MTUS2: variants seen among roughly 807,000 people sequenced by gnomAD.
The protein encoded by MTUS2 is microtubule-associated tumor suppressor candidate 2.
MTUS2 carries 40 observed loss-of-function variants against 114.1 expected under a neutral mutation model. That is an observed-to-expected ratio of 0.35 (90% CI 0.27 to 0.46). The LOEUF is 0.46. Ranked by LOEUF, MTUS2 falls within the 20% of genes least tolerant of loss-of-function variation. The probability of loss-of-function intolerance (pLI) is 1.00; values close to 1 mark genes in which losing one functional copy is unlikely to be tolerated. For synonymous variants in MTUS2, 688 were observed against 672.0 expected (o/e 1.02, Z -0.37); for missense variants, 1,679 against 1,705.4 (o/e 0.98, Z 0.27).
intron 2 of MTUS2, among the ~76,000 whole-genome samples, chr13:29,003,377 C>T (rs188375064): frequency 1.7e-4 from 26 of 152,294 alleles, no homozygotes; most frequent in Non-Finnish European, 2.5e-4. Context: ...AGTCCATGCC[C>T]TTAGCCATGC....
chr13:28,987,177 C>G (rs1884625448), intron 2 of MTUS2, among the ~76,000 whole-genome samples: 1 of 152,214 alleles, frequency 6.6e-6, no homozygotes, highest in Admixed American at 6.5e-5. Context: ...CTGGACTTGT[C>G]AGCCTACAGG....
intron 9 of MTUS2, among the ~76,000 whole-genome samples, chr13:29,475,955 A>G (rs1373688025): frequency 6.6e-6 from 1 of 152,196 alleles, no homozygotes; most frequent in African/African-American, 2.4e-5. Context: ...ACATTCACTC[A>G]TCATTCACTG....
At chr13:28,867,151 A>T (rs1418483994) in intron 2 of MTUS2, among the ~76,000 whole-genome samples, 1 of 152,188 alleles carries the variant, frequency 6.6e-6, no homozygotes, top group East Asian at 1.9e-4. Flanking sequence ...CTTGTGCAAG[A>T]GAGTTGCCAA....
At chr13:29,175,738 T>C (rs1288576656) in intron 5 of MTUS2, among the ~76,000 whole-genome samples, 1 of 151,460 alleles carries the variant, frequency 6.6e-6, no homozygotes, top group Admixed American at 6.6e-5. Flanking sequence ...CCTGGAAATA[T>C]AAGCTCTGTT....
At chr13:29,135,660 A>G (rs1218973846) in intron 5 of MTUS2, among the ~76,000 whole-genome samples, 1 of 152,090 alleles carries the variant, frequency 6.6e-6, no homozygotes, top group African/African-American at 2.4e-5. Context: ...TTTTTAGTAA[A>G]ACATTTTAAT....
In MTUS2 at chr13:29,492,660, C is replaced by G; in HGVS notation, c.3520C>G (p.His1174Asp). The G allele has an allele frequency of 6.2e-7, 1 of 1,613,426 alleles. No homozygotes were observed. The change falls in exon 12 of 16, where the codon CAT (histidine) becomes GAT (aspartate). Residue 1174 changes from histidine to aspartate, a missense_variant. By Grantham distance (81) the His-to-Asp change is moderately conservative. Coordinates refer to ENST00000612955, the MANE Select transcript of MTUS2 (RefSeq NM_001033602.4). ...DHKVQELMST[H>D]ELEKKELEEN... Reference sequence around the variant, plus strand: ...CTTCTTTCCAGAATTGATGTCCACTCATGAGCTTGAAAAGAAAGAATTGGA... The same window carrying G: ...CTTCTTTCCAGAATTGATGTCCACTGATGAGCTTGAAAAGAAAGAATTGGA...
At chr13:29,223,327 G>T (rs1044054070) in intron 5 of MTUS2, among the ~76,000 whole-genome samples, 2 of 152,142 alleles carry the variant, frequency 1.3e-5, no homozygotes, top group Non-Finnish European at 2.9e-5. Flanking sequence ...CCTGCCTGTG[G>T]AGTGGAGCTA....
chr13:28,899,142 T>TTA (rs1593282113), intron 2 of MTUS2, among the ~76,000 whole-genome samples: 1 of 152,212 alleles, frequency 6.6e-6, no homozygotes, highest in African/African-American at 2.4e-5. Context: ...TTGCAAGAAA[T>TTA]AATAGAGATC....
At chr13:29,461,846 A>C (rs1253957077) in intron 9 of MTUS2, among the ~76,000 whole-genome samples, 2 of 152,204 alleles carry the variant, frequency 1.3e-5, no homozygotes, top group Non-Finnish European at 1.5e-5. Context: ...AAAACTTAGA[A>C]GCTTGGCTAA....
At chr13:28,960,090 A>G (rs1357872199) in intron 2 of MTUS2, among the ~76,000 whole-genome samples, 3 of 152,232 alleles carry the variant, frequency 2.0e-5, no homozygotes, top group Admixed American at 2.0e-4. Flanking sequence ...TCTGACAAAG[A>G]TTTTAAAACA....
At chr13:29,107,528 C>A (rs1436146856) in intron 5 of MTUS2, among the ~76,000 whole-genome samples, 1 of 152,036 alleles carries the variant, frequency 6.6e-6, no homozygotes, top group Non-Finnish European at 1.5e-5. Context: ...TCTTCTAGGA[C>A]CTCTAAAATG....
In MTUS2 at chr13:29,343,298, G is replaced by T. The variant is rs1348796880; in HGVS notation, c.2906-15964G>T. Among the ~76,000 whole-genome samples the T allele has an allele frequency of 1.3e-5, 2 of 151,924 alleles. 1 individual carries two copies. The highest frequency in any genetic ancestry group is 2.9e-5 in the Non-Finnish European group (2 of 67,924). ...CTCATCTGGTCCTAGACTTTTTCTTGTTGGCAATTTTTTATTATCATTTCA... is the reference window on the plus strand; with the variant it reads ...CTCATCTGGTCCTAGACTTTTTCTTTTTGGCAATTTTTTATTATCATTTCA... On this transcript the variant is annotated intron_variant, in intron 7 of 15. Transcript: ENST00000612955.
chr13:29,194,159 A>T (rs1240685616), intron 5 of MTUS2, among the ~76,000 whole-genome samples: 1 of 151,414 alleles, frequency 6.6e-6, no homozygotes, highest in Non-Finnish European at 1.5e-5. Flanking sequence ...AAACCTAGGC[A>T]TTACCATTCA....
intron 2 of MTUS2, among the ~76,000 whole-genome samples, chr13:28,966,879 T>C (rs1032111328): frequency 6.6e-6 from 1 of 152,190 alleles, no homozygotes; most frequent in Non-Finnish European, 1.5e-5. Flanking sequence ...GTACAGTGTT[T>C]CTTGATTTGA....
chr13:29,288,367 A>AGCACAGAGCGGGC (rs1428010773), intron 6 of MTUS2, among the ~76,000 whole-genome samples: 2 of 152,194 alleles, frequency 1.3e-5, no homozygotes, highest in Non-Finnish European at 2.9e-5. Context: ...GAGCTTTCAG[A>AGCACAGAGCGGGC]GCACAGAGCG....
intron 8 of MTUS2, among the ~76,000 whole-genome samples, chr13:29,433,606 CT>C (rs1877176188): frequency 1.3e-5 from 2 of 152,212 alleles, no homozygotes; most frequent in Admixed American, 1.3e-4. Context: ...TCTGGCCAAT[CT>C]TCATAGTATT....
intron 6 of MTUS2, among the ~76,000 whole-genome samples, chr13:29,319,882 A>G (rs2139667460): frequency 6.6e-6 from 1 of 152,286 alleles, no homozygotes; most frequent in Middle Eastern, 3.4e-3. Context: ...AACTTCATAA[A>G]TAAGTGTCAG....
At chr13:28,903,728 G>A (rs1336928330) in intron 2 of MTUS2, among the ~76,000 whole-genome samples, 1 of 151,986 alleles carries the variant, frequency 6.6e-6, no homozygotes, top group Admixed American at 6.6e-5. Context: ...AAACATGTGT[G>A]CATGTGTCTT....
chr13:29,436,463 T>A (rs1029096806), intron 8 of MTUS2, among the ~76,000 whole-genome samples: 1 of 151,816 alleles, frequency 6.6e-6, no homozygotes, highest in Non-Finnish European at 1.5e-5. Context: ...CTACAGAGAG[T>A]GTTTGGTGGT....
Sources: allele counts gnomAD v4.1 joint callset (sites outside exome capture counted in the v4.1 genomes callset), GRCh38; gene constraint gnomAD v4.1.1; transcripts MANE v1.5; gene names NCBI Gene and HGNC (gene_info 2026-07-23, HGNC 2026-07-21).